The following CNTN3 variants were observed in gnomAD, a reference collection of about 807,000 sequenced individuals.
The protein encoded by CNTN3 is contactin-3.
A neutral mutation model predicts 119.1 loss-of-function variants in CNTN3; 60 were observed. The observed-to-expected ratio is 0.50, with a 90% CI of 0.41 to 0.62. The LOEUF (loss-of-function observed/expected upper bound fraction) is 0.62, where lower values mean the gene tolerates loss of function less well. Ranked by LOEUF, CNTN3 falls within the 20% of genes least tolerant of loss-of-function variation. CNTN3 has a pLI of 0.00. For missense variants in CNTN3, 1,101 were observed against 1,242.4 expected (o/e 0.89, Z 1.71); for synonymous variants, 450 against 438.7 (o/e 1.03, Z -0.32).
intron 2 of CNTN3, among the ~76,000 whole-genome samples, chr3:74,513,501 C>T (rs933584104): frequency 6.6e-6 from 1 of 152,102 alleles, no homozygotes; most frequent in Non-Finnish European, 1.5e-5. Context: ...CACTAGAAAG[C>T]TGTCCAGATA....
At chr3:74,464,926 T>C (rs999086737) in intron 4 of CNTN3, among the ~76,000 whole-genome samples, 1 of 152,198 alleles carries the variant, frequency 6.6e-6, no homozygotes, top group South Asian at 2.1e-4. Flanking sequence ...TCATTCATAG[T>C]TGGTGCTACA....
chr3:74,471,493 T>G (rs981953634), intron 4 of CNTN3, among the ~76,000 whole-genome samples: 3 of 152,182 alleles, frequency 2.0e-5, no homozygotes, highest in Non-Finnish European at 4.4e-5. Context: ...CTATTCTCCT[T>G]GTTTGAATCC....
chr3:74,595,213 G>T (rs897276516), intron 1 of CNTN3, among the ~76,000 whole-genome samples: 18 of 151,540 alleles, frequency 1.2e-4, no homozygotes, highest in Non-Finnish European at 2.4e-4. Context: ...AGATGAGTAG[G>T]TTGCAAAAAT....
intron 4 of CNTN3, among the ~76,000 whole-genome samples, chr3:74,442,664 G>A (rs1007109555): frequency 1.3e-5 from 2 of 152,132 alleles, no homozygotes; most frequent in Non-Finnish European, 2.9e-5. Flanking sequence ...CAAGCCTGTA[G>A]GTGAGTTCCC....
chr3:74,589,799 C>G (rs892396650), intron 1 of CNTN3, among the ~76,000 whole-genome samples: 7 of 151,690 alleles, frequency 4.6e-5, no homozygotes, highest in Admixed American at 3.9e-4. Context: ...GAGTTCATGT[C>G]CTTTGTAGGG....
intron 1 of CNTN3, among the ~76,000 whole-genome samples, chr3:74,600,353 A>G (rs58639470): frequency 0.21 from 31,722 of 151,944 alleles, 6,356 homozygotes; most frequent in African/African-American, 0.51. Context: ...CTACGGAGGA[A>G]AAAGCAATAG....
chr3:74,410,020 G>A (rs1308811824), intron 5 of CNTN3, among the ~76,000 whole-genome samples: 1 of 152,118 alleles, frequency 6.6e-6, no homozygotes, highest in African/African-American at 2.4e-5. Context: ...ATGAGATGAA[G>A]TGTGAATCAA....
At chr3:74,502,445 G>C (rs757091561) in intron 2 of CNTN3, among the ~76,000 whole-genome samples, 1 of 152,038 alleles carries the variant, frequency 6.6e-6, no homozygotes, top group Admixed American at 6.6e-5. Context: ...AAACTACTAG[G>C]AGCATTTTCT....
At position 74,430,637 on chromosome 3, in the gene CNTN3, T is replaced by G. The variant is rs547690520; in HGVS notation, c.359-5697A>C. On this transcript the variant is annotated intron_variant, in intron 4 of 22. Coordinates refer to ENST00000263665, the MANE Select transcript of CNTN3 (RefSeq NM_020872.3). ...AGTGGTTGCCAATGTTTAGGGAAAG[T>G]GGAGGGAGATAGGGGAGTGTCGTTA... 8.2e-4 allele frequency among the ~76,000 whole-genome samples: 125 copies of G among 151,816 alleles called. 1 individual carries two copies. In the South Asian group the frequency reaches 0.025, roughly 31 times the overall value.
At chr3:74,514,460 AT>A (rs1703418925) in intron 2 of CNTN3, among the ~76,000 whole-genome samples, 1 of 152,092 alleles carries the variant, frequency 6.6e-6, no homozygotes, top group South Asian at 2.1e-4. Context: ...CCATTACACA[AT>A]CAGCCACCTT....
intron 1 of CNTN3, among the ~76,000 whole-genome samples, chr3:74,591,627 A>G (rs1704704350): frequency 1.3e-5 from 2 of 151,314 alleles, no homozygotes; most frequent in South Asian, 4.2e-4. Context: ...AAATGCAAAG[A>G]AGACTCCATC....
chr3:74,571,671 T>G (rs1052554303), intron 1 of CNTN3, among the ~76,000 whole-genome samples: 1 of 152,222 alleles, frequency 6.6e-6, no homozygotes, highest in African/African-American at 2.4e-5. Context: ...AAACTTGAAC[T>G]CACATATTTA....
At position 74,365,630 on chromosome 3, in the gene CNTN3, C is replaced by T; in HGVS notation, c.1019G>A (p.Arg340Lys). Residue 340 changes from arginine to lysine, a missense_variant, in exon 9 of 23, where the codon AGG (arginine) becomes AAG (lysine). Physicochemically the swap from Arg to Lys is conservative, Grantham distance 26 (BLOSUM62 2). Transcript: ENST00000263665. ...GGAAGGCTTGGGCTTGCCGCTTGCC[C>T]TGCATTCCCAATAAAGACTGTCCTC... is the stretch of plus-strand genomic sequence containing the variant. Reference protein sequence around the residue: ...AVEDSLYWECRASGKPKPSYR... With the variant: ...AVEDSLYWECKASGKPKPSYR... The T allele has an allele frequency of 1.9e-6, 3 of 1,613,550 alleles. No individual in the cohort carries two copies. Among genetic ancestry groups the T allele is most frequent in the Non-Finnish European group, 2.5e-6 (3 of 1,179,604 alleles).
At chr3:74,571,093 C>T (rs1704325905) in intron 1 of CNTN3, among the ~76,000 whole-genome samples, 1 of 152,180 alleles carries the variant, frequency 6.6e-6, no homozygotes, top group African/African-American at 2.4e-5. Context: ...AATAATTTCT[C>T]CATTACATAT....
intron 5 of CNTN3, among the ~76,000 whole-genome samples, chr3:74,409,423 C>T (rs1335688023): frequency 6.6e-6 from 1 of 152,080 alleles, no homozygotes; most frequent in African/African-American, 2.4e-5. Flanking sequence ...TGTTGCAGAG[C>T]TCTCTGAACC....
rs76367844 is a variant in CNTN3, at chr3:74,539,085, A to G, written c.-80-17893T>C. Among the ~76,000 whole-genome samples, 987 of 152,186 alleles carry G rather than the reference A, an allele frequency of 6.5e-3. 13 individuals carry two copies. The highest frequency in any genetic ancestry group is 0.022 in the African/African-American group (920 of 41,514). The stretch of plus-strand genomic sequence containing the variant: ...AAGAAAGCCTCCCATTAATTTCGAT[A>G]TATGCTAAGATATTTTCTTTCCACC... On this transcript the variant is annotated intron_variant, in intron 1 of 22. Transcript: ENST00000263665.
chr3:74,594,231 A>G (rs1704752843), intron 1 of CNTN3, among the ~76,000 whole-genome samples: 1 of 148,800 alleles, frequency 6.7e-6, no homozygotes, highest in Non-Finnish European at 1.5e-5. Flanking sequence ...TATTAAACAC[A>G]TAGTACTAGG....
At chr3:74,403,139 T>C (rs1705238653) in intron 5 of CNTN3, among the ~76,000 whole-genome samples, 1 of 152,086 alleles carries the variant, frequency 6.6e-6, no homozygotes, top group East Asian at 1.9e-4. Context: ...AATTTACATC[T>C]TAAAGCCCTA....
At chr3:74,366,781 T>TGTATAC (rs63135361) in intron 8 of CNTN3, among the ~76,000 whole-genome samples, 1 of 7,244 alleles carries the variant, frequency 1.4e-4, no homozygotes, top group East Asian at 0.014. Flanking sequence ...TGTGTGTGTG[T>TGTATAC]ATATATATAT....
Sources: gnomAD v4.1 joint callset for allele counts (sites outside exome capture counted in the v4.1 genomes callset) on GRCh38, gnomAD v4.1.1 for gene constraint, MANE v1.5 for transcripts, NCBI Gene and HGNC (gene_info 2026-07-23, HGNC 2026-07-21) for gene names.